The following SNX29 variants were observed in gnomAD, a reference collection of about 807,000 sequenced individuals.
The protein encoded by SNX29 is sorting nexin-29.
SNX29 carries 78 observed loss-of-function variants against 102.1 expected under a neutral mutation model. The observed-to-expected ratio is 0.76, with a 90% CI of 0.64 to 0.92. The LOEUF is 0.92. Ranked by LOEUF, SNX29 falls within the 40% of genes least tolerant of loss-of-function variation. The pLI, the probability that SNX29 is intolerant of heterozygous loss-of-function variation, is 0.00. For synonymous variants in SNX29, 580 were observed against 414.5 expected (o/e 1.40, Z -4.85); for missense variants, 1,280 against 1,061.7 (o/e 1.21, Z -2.86).
intron 9 of SNX29, among the ~76,000 whole-genome samples, chr16:12,066,569 C>T (rs1031347023): frequency 1.3e-5 from 2 of 152,132 alleles, no homozygotes; most frequent in Non-Finnish European, 2.9e-5. Context: ...CTGTCGTCTT[C>T]ACGGAGGTGA....
chr16:12,364,418 T>TCTTC (rs34457878), intron 16 of SNX29, among the ~76,000 whole-genome samples: 2 of 146,288 alleles, frequency 1.4e-5, no homozygotes, highest in Non-Finnish European at 3.0e-5. Flanking sequence ...CTCTTCTTCT[T>TCTTC]TTTTTTTTTT....
At chr16:12,540,563 C>G (rs1054482984) in intron 20 of SNX29, among the ~76,000 whole-genome samples, 3 of 152,178 alleles carry the variant, frequency 2.0e-5, no homozygotes, top group Non-Finnish European at 4.4e-5. Context: ...ATGCCATGGC[C>G]CCTTCTTTGC....
intron 3 of SNX29, among the ~76,000 whole-genome samples, chr16:12,025,079 A>G (rs2057149707): frequency 1.3e-5 from 2 of 152,100 alleles, no homozygotes. Context: ...AGGCGGGCAG[A>G]TCACCTGAGT....
Position 12,261,673 on chromosome 16 carries a change from CCCGG to C in SNX29, c.1679-16258_1679-16255del, listed in dbSNP as rs778037359. Among the ~76,000 whole-genome samples the C allele has an allele frequency of 5.6e-4, 69 of 122,470 alleles. 1 individual carries two copies. The highest frequency in any genetic ancestry group is 7.0e-4 in the African/African-American group (22 of 31,396). 80.3% of individuals were successfully genotyped at this position (122,470 alleles called of 152,430 possible). A position where few individuals can be genotyped will look rare whatever the true frequency, so the allele number is the denominator to read the frequency against. On this transcript the variant is annotated intron_variant, in intron 14 of 20. Transcript: ENST00000566228. ...TCCTGAGCTCGGGTCTGCACGTGTC[CCCGG>C]CTGGAGTGAGTGTTTGCTGAGCTCG...
At position 12,571,304 on chromosome 16, in the gene SNX29, A is replaced by G. The variant is rs946914454; in HGVS notation, c.*2675A>G. On this transcript the variant is annotated 3_prime_UTR_variant, in exon 21 of 21. Transcript: ENST00000566228. ...GGTGCCCAAATTCCACACCCTGGAA[A>G]TGTGTCAACTGCCTGTCAGCCTGGA... is the stretch of plus-strand genomic sequence containing the variant. 27 of 231,990 alleles carry G rather than the reference A, an allele frequency of 1.2e-4. No individual in the cohort carries two copies. Among genetic ancestry groups the G allele is most frequent in the African/African-American group, 5.3e-4 (24 of 45,288 alleles). The allele number at this position is 231,990 out of a possible 1,614,324, so 14.4% of individuals were successfully genotyped here.
intron 14 of SNX29, among the ~76,000 whole-genome samples, chr16:12,227,453 A>G (rs1485083479): frequency 6.6e-6 from 1 of 152,158 alleles, no homozygotes; most frequent in Non-Finnish European, 1.5e-5. Context: ...TTTTCATAGC[A>G]GTTGAAGGCT....
chr16:12,009,272 G>A (rs1379314778), intron 3 of SNX29, among the ~76,000 whole-genome samples: 2 of 152,162 alleles, frequency 1.3e-5, no homozygotes, highest in Non-Finnish European at 2.9e-5. Context: ...AGTAGAGACA[G>A]TGCTAGCAGG....
intron 11 of SNX29, among the ~76,000 whole-genome samples, chr16:12,123,223 C>A (rs2054053826): frequency 6.6e-6 from 1 of 152,140 alleles, no homozygotes; most frequent in Non-Finnish European, 1.5e-5. Flanking sequence ...TTATGACTAC[C>A]ACAATCAGAT....
intron 14 of SNX29, among the ~76,000 whole-genome samples, chr16:12,226,211 A>G (rs1281283587): frequency 2.0e-5 from 3 of 152,216 alleles, no homozygotes. Flanking sequence ...AAGGTGCAGA[A>G]TAAATCGAAT....
chr16:12,408,456 C>T (rs1018701623), intron 18 of SNX29, among the ~76,000 whole-genome samples: 10 of 152,238 alleles, frequency 6.6e-5, no homozygotes, highest in African/African-American at 1.7e-4. Flanking sequence ...CTTCTGTGGC[C>T]GTCCAGTATC....
chr16:12,236,457 T>C (rs563848263), intron 14 of SNX29, among the ~76,000 whole-genome samples: 2 of 152,358 alleles, frequency 1.3e-5, no homozygotes, highest in East Asian at 3.9e-4. Context: ...GCAAGGCTAT[T>C]ATTTACTGCA....
In SNX29 at chr16:12,236,290, T is replaced by A. The variant is rs530755100; in HGVS notation, c.1678+36607T>A. On this transcript the variant is annotated intron_variant, in intron 14 of 20. Coordinates refer to ENST00000566228, the MANE Select transcript of SNX29 (RefSeq NM_032167.5). ...TAGTGTCTATTTTCAAAGCCTTCAT[T>A]TGAAGACCCATGGGGAGTCTGAGGA... Among the ~76,000 whole-genome samples, 51 of 152,234 alleles carry A rather than the reference T, an allele frequency of 3.4e-4. No individual in the cohort carries two copies. The South Asian group carries it at 0.01, about 31-fold the overall frequency.
Position 12,164,797 on chromosome 16 carries a change from C to T in SNX29, c.1596-34804C>T, listed in dbSNP as rs140842730. Among the ~76,000 whole-genome samples the T allele has an allele frequency of 3.9e-3, 582 of 149,762 alleles. 5 individuals are homozygous for T. The highest frequency in any genetic ancestry group is 0.014 in the African/African-American group (557 of 40,468). ...CCGCCTCCCGGGTTCAAGCAGCTCT[C>T]CTGCCTCAGCCTCCTGAGTAGCTGG... On this transcript the variant is annotated intron_variant, in intron 13 of 20. Transcript: ENST00000566228.
At chr16:12,273,697 C>T (rs2079159484) in intron 14 of SNX29, among the ~76,000 whole-genome samples, 1 of 152,166 alleles carries the variant, frequency 6.6e-6, no homozygotes, top group Admixed American at 6.5e-5. Context: ...CAACCATCGC[C>T]ACTCTCTAAT....
At chr16:12,375,310 A>G (rs1036666060) in intron 16 of SNX29, 9 of 152,266 alleles carry the variant, frequency 5.9e-5, no homozygotes, top group Non-Finnish European at 1.0e-4. Context: ...AGAAATAGCT[A>G]AAAGGTACAA....
At chr16:12,524,889 T>G (rs750050388) in intron 20 of SNX29, 48 bp downstream of exon 20, 4 of 1,596,146 alleles carry the variant, frequency 2.5e-6, no homozygotes, top group Non-Finnish European at 3.4e-6. Context: ...GCCAGCATTT[T>G]TTTCTCGGTC....
intron 19 of SNX29, among the ~76,000 whole-genome samples, chr16:12,487,807 A>T (rs948383400): frequency 1.3e-5 from 2 of 152,154 alleles, no homozygotes; most frequent in African/African-American, 4.8e-5. Context: ...TGAAGCCATA[A>T]ACTCAAGCCT....
intron 15 of SNX29, among the ~76,000 whole-genome samples, chr16:12,336,516 G>A (rs1333526676): frequency 6.6e-6 from 1 of 152,182 alleles, no homozygotes; most frequent in African/African-American, 2.4e-5. Flanking sequence ...AAAAGATATT[G>A]GAATACTGTG....
At chr16:12,382,620 C>G (rs1428569978) in intron 16 of SNX29, among the ~76,000 whole-genome samples, 1 of 152,222 alleles carries the variant, frequency 6.6e-6, no homozygotes, top group Non-Finnish European at 1.5e-5. Context: ...TAACCAATTA[C>G]CATAAACGTG....
Sources: gnomAD v4.1 joint callset for allele counts (sites outside exome capture counted in the v4.1 genomes callset) on GRCh38, gnomAD v4.1.1 for gene constraint, MANE v1.5 for transcripts, NCBI Gene and HGNC (gene_info 2026-07-23, HGNC 2026-07-21) for gene names.